The following F13A1 variants were observed in gnomAD, a reference collection of about 807,000 sequenced individuals.
F13A1 encodes FSF, A subunit.
In F13A1, 47 loss-of-function variants were observed where a neutral mutation model predicts 80.1. That is an observed-to-expected ratio of 0.59 (90% confidence interval 0.46 to 0.75). F13A1 has a LOEUF of 0.75. Ranked by LOEUF, F13A1 falls within the 30% of genes least tolerant of loss-of-function variation. The pLI, the probability that F13A1 is intolerant of heterozygous loss-of-function variation, is 0.00. For synonymous variants in F13A1, 349 were observed against 344.9 expected (o/e 1.01, Z -0.13); for missense variants, 817 against 930.4 (o/e 0.88, Z 1.59).
At chr6:6,299,507 C>T (rs1358392474) in intron 3 of F13A1, among the ~76,000 whole-genome samples, 2 of 130,290 alleles carry the variant, frequency 1.5e-5, no homozygotes, top group African/African-American at 7.7e-5. Context: ...TTTCATCTTC[C>T]ATCGCTGATA....
intron 2 of F13A1, among the ~76,000 whole-genome samples, chr6:6,312,847 C>G (rs1674046): frequency 0.73 from 110,951 of 151,752 alleles, 40,949 homozygotes; most frequent in East Asian, 0.86. Context: ...AAGACATGAG[C>G]AAGCTTAATG....
At chr6:6,192,229 G>A (rs903985934) in intron 10 of F13A1, among the ~76,000 whole-genome samples, 1 of 152,310 alleles carries the variant, frequency 6.6e-6, no homozygotes, top group African/African-American at 2.4e-5. Context: ...TTATTGTAAG[G>A]GTGGTGGAAC....
At chr6:6,189,806 T>A (rs1252693443) in intron 10 of F13A1, among the ~76,000 whole-genome samples, 1 of 151,722 alleles carries the variant, frequency 6.6e-6, no homozygotes, top group African/African-American at 2.4e-5. Flanking sequence ...CTGGATAATA[T>A]CCTGCAGAGT....
rs754929237 is a variant in F13A1, at chr6:6,182,111, T to C, written c.1336A>G (p.Lys446Glu). 3 of 1,614,186 alleles carry C rather than the reference T, an allele frequency of 1.9e-6. No individual in the cohort carries two copies. The highest frequency in any genetic ancestry group is 2.2e-5 in the East Asian group (1 of 44,886). ...VNSDLIYITA[K>E]KDGTHVVENV... ...TCCACCACATGAGTGCCATCTTTCT[T>C]AGCTGTAATGTAAATGAGGTCGCTG... is the stretch of plus-strand genomic sequence containing the variant. Residue 446 changes from lysine to glutamate, a missense_variant, in exon 11 of 15, where the codon AAG (lysine) becomes GAG (glutamate). By Grantham distance (56) the Lys-to-Glu change is moderately conservative. Transcript: ENST00000264870.
intron 8 of F13A1, 35 bp from the exon 9 acceptor site, chr6:6,197,361 C>A (rs772294002): frequency 6.3e-7 from 1 of 1,575,274 alleles, no homozygotes; most frequent in Non-Finnish European, 8.7e-7. Flanking sequence ...GTTAAACTTC[C>A]CATCACACCC....
At chr6:6,246,406 T>C (rs1270696) in intron 6 of F13A1, among the ~76,000 whole-genome samples, 91,306 of 152,040 alleles carry the variant, frequency 0.6, 28,816 homozygotes, top group African/African-American at 0.77. Flanking sequence ...AACCATTGAA[T>C]ATTTTGTGTA....
At chr6:6,301,102 A>G (rs1034645830) in intron 3 of F13A1, among the ~76,000 whole-genome samples, 3 of 152,198 alleles carry the variant, frequency 2.0e-5, no homozygotes, top group Non-Finnish European at 4.4e-5. Context: ...TCTTCTCATT[A>G]TAGCAATTAG....
chr6:6,165,090 C>A (rs915442531), intron 13 of F13A1, among the ~76,000 whole-genome samples: 1 of 152,150 alleles, frequency 6.6e-6, no homozygotes, highest in Non-Finnish European at 1.5e-5. Context: ...CCCATTCCAC[C>A]TTTTTGAACA....
At chr6:6,259,740 G>A (rs139029713) in intron 4 of F13A1, among the ~76,000 whole-genome samples, 30 of 152,310 alleles carry the variant, frequency 2.0e-4, no homozygotes, top group Non-Finnish European at 3.4e-4. Flanking sequence ...CCTCAAGTGT[G>A]CCAGAGGCTA....
At chr6:6,213,135 T>G (rs1354300135) in intron 8 of F13A1, among the ~76,000 whole-genome samples, 1 of 152,178 alleles carries the variant, frequency 6.6e-6, no homozygotes, top group South Asian at 2.1e-4. Flanking sequence ...ATTTCCCCAA[T>G]CTAGCAAGGC....
intron 8 of F13A1, among the ~76,000 whole-genome samples, chr6:6,221,534 CT>C (rs1435469444): frequency 6.6e-6 from 1 of 152,138 alleles, no homozygotes; most frequent in Non-Finnish European, 1.5e-5. Flanking sequence ...GTGAGCAAGC[CT>C]TTTTGGGCCT....
At chr6:6,312,010 T>A (rs1205722583) in intron 2 of F13A1, among the ~76,000 whole-genome samples, 1 of 147,968 alleles carries the variant, frequency 6.8e-6, no homozygotes, top group Non-Finnish European at 1.5e-5. Flanking sequence ...TGTATATATA[T>A]TATATATAAG....
chr6:6,294,704 G>A (rs980809988), intron 3 of F13A1, among the ~76,000 whole-genome samples: 13 of 150,380 alleles, frequency 8.6e-5, no homozygotes, highest in Non-Finnish European at 1.5e-4. Flanking sequence ...AGATGTACTG[G>A]TAGAGATTCT....
At chr6:6,203,637 G>A (rs767190103) in intron 8 of F13A1, among the ~76,000 whole-genome samples, 10 of 152,196 alleles carry the variant, frequency 6.6e-5, no homozygotes, top group Non-Finnish European at 1.3e-4. Context: ...AACACTGATC[G>A]ATTGCAGTTA....
chr6:6,255,052 T>C (rs1217305651), intron 4 of F13A1, among the ~76,000 whole-genome samples: 1 of 152,186 alleles, frequency 6.6e-6, no homozygotes. Context: ...AACTTTTTTC[T>C]CCTTCTTTAA....
intron 6 of F13A1, among the ~76,000 whole-genome samples, chr6:6,226,135 A>G (rs1757272763): frequency 6.6e-6 from 1 of 152,162 alleles, no homozygotes; most frequent in South Asian, 2.1e-4. Context: ...TGCTGAATCT[A>G]CCTCTCTTGG....
At chr6:6,226,379 AG>A in intron 6 of F13A1, among the ~76,000 whole-genome samples, 1 of 152,356 alleles carries the variant, frequency 6.6e-6, no homozygotes, top group South Asian at 2.1e-4. Context: ...CATTTTAACA[AG>A]ATCACTGGGT....
At chr6:6,189,320 G>A (rs1377527952) in intron 10 of F13A1, among the ~76,000 whole-genome samples, 3 of 102,912 alleles carry the variant, frequency 2.9e-5, no homozygotes, top group Non-Finnish European at 6.0e-5. Flanking sequence ...TCCTAGTCTC[G>A]ATGGTCTTTA....
intron 8 of F13A1, among the ~76,000 whole-genome samples, chr6:6,211,829 C>T (rs559924859): frequency 8.5e-5 from 13 of 152,332 alleles, no homozygotes; most frequent in Admixed American, 2.0e-4. Context: ...GCGCACCATG[C>T]GCGAGCCAAA....
Sources: allele counts gnomAD v4.1 joint callset (sites outside exome capture counted in the v4.1 genomes callset), GRCh38; gene constraint gnomAD v4.1.1; transcripts MANE v1.5; gene names NCBI Gene and HGNC (gene_info 2026-07-23, HGNC 2026-07-21).